SYNPO: variants seen among roughly 807,000 people sequenced by gnomAD.
SYNPO encodes synaptopodin.
Under a neutral mutation model 49.5 loss-of-function variants are expected in SYNPO, and 19 were observed. That is an observed-to-expected ratio of 0.38 (90% CI 0.27 to 0.56). The LOEUF (loss-of-function observed/expected upper bound fraction) is 0.56, where lower values mean the gene tolerates loss of function less well. SYNPO is among the 20% of genes least tolerant of loss of function. SYNPO has a pLI of 0.68. For synonymous variants in SYNPO, 536 were observed against 548.0 expected, an observed-to-expected ratio of 0.98 and a Z score of 0.31; for missense variants, 1,131 against 1,248.3, an observed-to-expected ratio of 0.91 and a Z score of 1.42.
chr5:150,634,893 C>T (rs1757664134), intron 2 of SYNPO, among the ~76,000 whole-genome samples: 1 of 151,770 alleles, frequency 6.6e-6, no homozygotes, highest in Non-Finnish European at 1.5e-5. Context: ...GGGACACTCT[C>T]CACAGCCACA....
At chr5:150,609,792 G>GGGT (rs1197480513) in intron 1 of SYNPO, among the ~76,000 whole-genome samples, 3 of 151,760 alleles carry the variant, frequency 2.0e-5, no homozygotes, top group East Asian at 1.9e-4. Flanking sequence ...GTGGCGGGGG[G>GGGT]GGGCAGTGTG....
At chr5:150,606,760 AG>A (rs1227978475) in intron 1 of SYNPO, among the ~76,000 whole-genome samples, 8 of 152,180 alleles carry the variant, frequency 5.3e-5, no homozygotes, top group Admixed American at 5.2e-4. Context: ...TGAGGAGGAG[AG>A]GCAGGTGACA....
the SYNPO span, among the ~76,000 whole-genome samples, chr5:150,593,304 C>G: frequency 6.6e-6 from 1 of 152,174 alleles, no homozygotes; most frequent in Non-Finnish European, 1.5e-5. Context: ...CCTTTCTGAG[C>G]TTTTGGATGC....
chr5:150,631,337 T>C (rs761184930), intron 2 of SYNPO, among the ~76,000 whole-genome samples: 8 of 152,146 alleles, frequency 5.3e-5, no homozygotes, highest in Non-Finnish European at 1.2e-4. Context: ...CTGAGGGCCT[T>C]GGGACCTGTG....
intron 2 of SYNPO, chr5:150,651,652 G>A: frequency 4.0e-6 from 4 of 1,001,616 alleles, no homozygotes; most frequent in Non-Finnish European, 4.8e-6. Flanking sequence ...AGCATGGCAG[G>A]AGCTGGGGCA....
rs763396597 is a variant in SYNPO, at chr5:150,649,526, G to T, written c.1251G>T (p.Glu417Asp). The T allele has an allele frequency of 5.6e-6, 9 of 1,611,552 alleles. No individual in the cohort carries two copies. The highest frequency in any genetic ancestry group is 7.6e-6 in the Non-Finnish European group (9 of 1,179,000). Reference protein sequence around the residue: ...RQRDQGEVGVEEEPFALGAEA... With the variant: ...RQRDQGEVGVDEEPFALGAEA... ...GGGACCAGGGGGAGGTAGGCGTGGA[G>T]GAGGAGCCCTTCGCACTGGGGGCCG... Residue 417 changes from glutamate to aspartate, a missense_variant, in exon 2 of 3, where the codon GAG becomes GAT. By Grantham distance (45) the Glu-to-Asp change is conservative (BLOSUM62 2). Coordinates refer to ENST00000307662, the MANE Select transcript of SYNPO (RefSeq NM_007286.6).
intron 1 of SYNPO, among the ~76,000 whole-genome samples, chr5:150,610,787 C>A (rs1274067785): frequency 6.6e-6 from 1 of 151,672 alleles, no homozygotes; most frequent in African/African-American, 2.4e-5. Flanking sequence ...AAAGAATGTT[C>A]CAAAAAAAGA....
chr5:150,641,219 G>A (rs1319249202), intron 1 of SYNPO, among the ~76,000 whole-genome samples: 2 of 152,208 alleles, frequency 1.3e-5, no homozygotes, highest in South Asian at 2.1e-4. Context: ...TGGGGAAGGG[G>A]CTGGCAAGGT....
Position 150,657,299 on chromosome 5 carries a change from C to T in SYNPO, c.*212C>T. ...TGTGTGACCCTGGGTAAGACCCTTC[C>T]TTGTTTGACCCTCAGCTTTCCCATC... is the stretch of plus-strand genomic sequence containing the variant. On this transcript the variant is annotated 3_prime_UTR_variant, in exon 3 of 3. Transcript: ENST00000307662. 5.0e-6 allele frequency: 3 copies of T among 596,322 alleles called. No individual in the cohort carries two copies. In the East Asian group the frequency reaches 8.6e-5, roughly 17 times the overall value. The allele number at this position is 596,322 out of a possible 1,614,324, so 36.9% of individuals were successfully genotyped here. A position where few individuals can be genotyped will look rare whatever the true frequency, so the allele number is the denominator to read the frequency against.
At position 150,650,199 on chromosome 5, in the gene SYNPO, G is replaced by C. The variant is rs41509152; in HGVS notation, c.1924G>C (p.Gly642Arg). ...GCCCACTGCCGTGAGCCCTCCTTACGGCGGTGACATCTCCCCCGTGTCTCC... is the reference window on the plus strand; with the variant it reads ...GCCCACTGCCGTGAGCCCTCCTTACCGCGGTGACATCTCCCCCGTGTCTCC... ...LQPTAVSPPY[G>R]GDISPVSPSR... The change falls in exon 2 of 3, where the codon GGC becomes CGC. Residue 642 changes from glycine (G) to arginine (R), a missense_variant. Physicochemically the swap from Gly to Arg is moderately radical, Grantham distance 125 (BLOSUM62 -2). Around this residue, in one of 4 missense-constraint regions of SYNPO, gnomAD observed 509 missense variants for 484.5 expected, o/e 1.05. Coordinates refer to ENST00000307662, the MANE Select transcript of SYNPO (RefSeq NM_007286.6). 1 of 1,613,926 alleles carries C rather than the reference G, an allele frequency of 6.2e-7. No homozygotes were observed. The highest frequency in any genetic ancestry group is 8.5e-7 in the Non-Finnish European group (1 of 1,180,016).
At chr5:150,638,572 C>T (rs2151397931), upstream of SYNPO, among the ~76,000 whole-genome samples, 1 of 152,330 alleles carries the variant, frequency 6.6e-6, no homozygotes, top group East Asian at 1.9e-4. Context: ...TGGGTGATGG[C>T]TTCTGCTGAG....
intron 2 of SYNPO, among the ~76,000 whole-genome samples, chr5:150,620,942 TTTC>T (rs1489393351): frequency 1.6e-5 from 2 of 126,254 alleles, no homozygotes; most frequent in East Asian, 2.4e-4. Context: ...TCTTTCTTTC[TTTC>T]TTTTCTTTTC....
chr5:150,604,724 T>C (rs1230065022), intron 1 of SYNPO, among the ~76,000 whole-genome samples: 1 of 151,948 alleles, frequency 6.6e-6, no homozygotes, highest in Non-Finnish European at 1.5e-5. Context: ...GTCGTGAAAA[T>C]TCACGAGGTG....
chr5:150,593,403 A>G, the SYNPO span, among the ~76,000 whole-genome samples: 1 of 151,886 alleles, frequency 6.6e-6, no homozygotes, highest in Non-Finnish European at 1.5e-5. Context: ...TTCAGGCAAC[A>G]CTCCTTTCCC....
At chr5:150,620,334 G>A (rs1156751434) in intron 2 of SYNPO, among the ~76,000 whole-genome samples, 3 of 152,188 alleles carry the variant, frequency 2.0e-5, no homozygotes, top group Non-Finnish European at 4.4e-5. Context: ...GCTATTATTT[G>A]TTAGAAGCCT....
chr5:150,588,706 A>G, the SYNPO span, among the ~76,000 whole-genome samples: 4 of 151,998 alleles, frequency 2.6e-5, no homozygotes, highest in South Asian at 8.3e-4. Flanking sequence ...CGGTGCTCCC[A>G]GGAGCTCCCA....
Position 150,650,035 on chromosome 5 carries a change from C to G in SYNPO, c.1760C>G (p.Ala587Gly). ...GAGCCTGCCAAGGTCTCACCAAGAGCTGCCTCGCCCGCCAAGCCCAGCTCC... is the reference window on the plus strand; with the variant it reads ...GAGCCTGCCAAGGTCTCACCAAGAGGTGCCTCGCCCGCCAAGCCCAGCTCC... Reference protein sequence around the residue: ...IKEPAKVSPRAASPAKPSSLD... With the variant: ...IKEPAKVSPRGASPAKPSSLD... Residue 587 changes from alanine (A) to glycine (G), a missense_variant, in exon 2 of 3, where the codon GCT (alanine) becomes GGT (glycine). Physicochemically the swap from Ala to Gly is moderately conservative, Grantham distance 60 (BLOSUM62 0). Coordinates refer to ENST00000307662, the MANE Select transcript of SYNPO (RefSeq NM_007286.6). 1 of 1,612,588 alleles carries G rather than the reference C, an allele frequency of 6.2e-7. No individual in the cohort carries two copies. The highest frequency in any genetic ancestry group is 8.5e-7 in the Non-Finnish European group (1 of 1,179,994).
At chr5:150,628,586 C>T (rs1757438139) in intron 2 of SYNPO, among the ~76,000 whole-genome samples, 1 of 152,164 alleles carries the variant, frequency 6.6e-6, no homozygotes, top group Non-Finnish European at 1.5e-5. Context: ...AAATGAGCTA[C>T]CATTTAGGTA....
At chr5:150,616,237 C>G (rs1178944585) in intron 1 of SYNPO, among the ~76,000 whole-genome samples, 1 of 152,198 alleles carries the variant, frequency 6.6e-6, no homozygotes, top group Non-Finnish European at 1.5e-5. Context: ...GGTGCCTGAC[C>G]CCTGCTTGGG....
Sources: gnomAD v4.1 joint callset for allele counts (sites outside exome capture counted in the v4.1 genomes callset) on GRCh38, gnomAD v4.1.1 for gene constraint, gnomAD v4.1.1 regional missense constraint, MANE v1.5 for transcripts, NCBI Gene and HGNC (gene_info 2026-07-23, HGNC 2026-07-21) for gene names.